Variants in PCGF6 observed in about 807,000 individuals in gnomAD.
PCGF6 encodes the protein polycomb group RING finger protein 6.
Under a neutral mutation model 45.5 loss-of-function variants are expected in PCGF6, and 24 were observed. The ratio of observed to expected loss-of-function variants is 0.53; its 90% confidence interval spans 0.38 to 0.74. The LOEUF (loss-of-function observed/expected upper bound fraction) is 0.74. PCGF6 is among the 30% of genes least tolerant of loss of function. PCGF6 has a pLI of 0.00. For synonymous variants in PCGF6, 152 were observed against 162.1 expected, an observed-to-expected ratio of 0.94 and a Z score of 0.47; for missense variants, 356 against 443.2, an observed-to-expected ratio of 0.80 and a Z score of 1.77.
chr10:103,333,502 A>G (rs1328112283), intron 7 of PCGF6, among the ~76,000 whole-genome samples: 1 of 152,188 alleles, frequency 6.6e-6, no homozygotes, highest in Non-Finnish European at 1.5e-5. Flanking sequence ...TCTTTAAATC[A>G]ACTCTGAACT....
intron 6 of PCGF6, 73 bp from the exon 7 acceptor site, chr10:103,334,025 T>C: frequency 9.8e-7 from 1 of 1,020,632 alleles, no homozygotes. Flanking sequence ...ACAACATATA[T>C]AAATATTTGA....
At chr10:103,340,193 AAAAAAAT>A (rs1290233261) in intron 6 of PCGF6, among the ~76,000 whole-genome samples, 7 of 108,414 alleles carry the variant, frequency 6.5e-5, no homozygotes, top group South Asian at 2.6e-4. Flanking sequence ...AAAAAAAAAA[AAAAAAAT>A]ATATATATAT....
chr10:103,324,910 G>A (rs187782779), intron 8 of PCGF6, among the ~76,000 whole-genome samples: 8 of 151,664 alleles, frequency 5.3e-5, no homozygotes, highest in Admixed American at 2.6e-4. Flanking sequence ...CGAGGTAGGC[G>A]GATCACCTGA....
At chr10:103,321,288 C>A (rs1052682922) in intron 8 of PCGF6, among the ~76,000 whole-genome samples, 4 of 152,096 alleles carry the variant, frequency 2.6e-5, no homozygotes, top group Non-Finnish European at 4.4e-5. Flanking sequence ...CAGGTATGAG[C>A]CTTTATATCA....
intron 6 of PCGF6, among the ~76,000 whole-genome samples, chr10:103,336,466 G>GT (rs1346425205): frequency 1.3e-5 from 2 of 152,028 alleles, no homozygotes; most frequent in East Asian, 3.8e-4. Flanking sequence ...CCCATTCATT[G>GT]TAAGAATTAT....
intron 6 of PCGF6, among the ~76,000 whole-genome samples, chr10:103,336,767 C>T (rs1440038252): frequency 5.9e-5 from 9 of 152,048 alleles, no homozygotes; most frequent in Admixed American, 2.6e-4. Context: ...CCTAGCTACT[C>T]GAGAGGCTGA....
chr10:103,348,840 A>G (rs2093309211), intron 2 of PCGF6, 28 bp from the exon 3 acceptor site: 5 of 1,603,700 alleles, frequency 3.1e-6, no homozygotes, highest in Non-Finnish European at 4.3e-6. Context: ...TGAAGTCAGG[A>G]TGCTTTCAAG....
intron 6 of PCGF6, among the ~76,000 whole-genome samples, chr10:103,342,360 G>C (rs959247105): frequency 2.0e-5 from 3 of 151,590 alleles, no homozygotes; most frequent in African/African-American, 7.3e-5. Flanking sequence ...CAGCCTCCTG[G>C]GTAGCTGGGA....
chr10:103,339,851 ACACACACACACACAC>A (rs1186367838), intron 6 of PCGF6, among the ~76,000 whole-genome samples: 1 of 139,306 alleles, frequency 7.2e-6, no homozygotes, highest in African/African-American at 2.6e-5. Flanking sequence ...ACACACACAC[ACACACACACACACAC>A]AAAAGCATCT....
intron 7 of PCGF6, among the ~76,000 whole-genome samples, chr10:103,331,551 C>G (rs985401766): frequency 3.9e-5 from 6 of 152,156 alleles, no homozygotes; most frequent in African/African-American, 1.4e-4. Flanking sequence ...ACCCAATGTC[C>G]CCAGCCCAAT....
intron 5 of PCGF6, 30 bp from the exon 6 acceptor site, chr10:103,345,162 T>A: frequency 6.9e-7 from 1 of 1,458,952 alleles, no homozygotes; most frequent in Non-Finnish European, 9.5e-7. Context: ...AAATGTTAAT[T>A]AAGAATAAAA....
At chr10:103,342,485 C>A (rs1048956125) in intron 6 of PCGF6, among the ~76,000 whole-genome samples, 1 of 152,130 alleles carries the variant, frequency 6.6e-6, no homozygotes, top group Non-Finnish European at 1.5e-5. Context: ...CTGCCCGCCT[C>A]GGCCTCCCAA....
At chr10:103,345,508 C>CTTT (rs113103280) in intron 5 of PCGF6, among the ~76,000 whole-genome samples, 1 of 147,996 alleles carries the variant, frequency 6.8e-6, no homozygotes. Context: ...AGTGCTACTG[C>CTTT]TTTTTTTTTT....
intron 8 of PCGF6, among the ~76,000 whole-genome samples, chr10:103,320,041 C>T (rs1169519685): frequency 6.6e-6 from 1 of 151,692 alleles, no homozygotes; most frequent in African/African-American, 2.4e-5. Flanking sequence ...CTCTTGACCT[C>T]GTGATCCGCC....
chr10:103,317,005 AATTTT>A (rs886527856), intron 8 of PCGF6, among the ~76,000 whole-genome samples: 12 of 152,034 alleles, frequency 7.9e-5, no homozygotes, highest in East Asian at 1.9e-4. Flanking sequence ...TTGTTTTATT[AATTTT>A]ATTTTATTTT....
At position 103,345,028 on chromosome 10, in the gene PCGF6, T is replaced by G. The variant is rs138884621; in HGVS notation, c.778A>C (p.Ile260Leu). The G allele has an allele frequency of 1.4e-5, 22 of 1,590,608 alleles. No individual in the cohort carries two copies. The African/African-American group carries it at 3.0e-4, about 21-fold the overall frequency. The change falls in exon 6 of 10, where the codon ATT (isoleucine) becomes CTT (leucine). Residue 260 changes from isoleucine (I) to leucine (L), a missense_variant. By Grantham distance (5) the Ile-to-Leu change is conservative. This residue lies in a region of PCGF6 where 307 missense variants were observed against 350.1 expected (regional missense o/e 0.88). Transcript: ENST00000369847. ...GTAAATTTTTAGGGTACTCACCCAA[T>G]GAACTCCAGTAATAAAGACATATCA... ...ELDMSLLLEF[I>L]GANEGTGHFK...
intron 8 of PCGF6, among the ~76,000 whole-genome samples, chr10:103,322,878 C>CAAAAAA (rs144007263): frequency 9.4e-6 from 1 of 106,106 alleles, no homozygotes; most frequent in Non-Finnish European, 2.0e-5. Flanking sequence ...TCCTTGCCAC[C>CAAAAAA]AAAAAAAAAA....
chr10:103,347,896 C>A (rs1442949142), intron 3 of PCGF6, among the ~76,000 whole-genome samples: 1 of 152,152 alleles, frequency 6.6e-6, no homozygotes, highest in Non-Finnish European at 1.5e-5. Context: ...GAGTTGAGGG[C>A]AGAGACTGTA....
chr10:103,339,573 G>A (rs954877586), intron 6 of PCGF6, among the ~76,000 whole-genome samples: 13 of 151,286 alleles, frequency 8.6e-5, no homozygotes, highest in African/African-American at 2.7e-4. Context: ...GGTGGATCAC[G>A]AGGTCAGGAG....
Sources: allele counts gnomAD v4.1 joint callset (sites outside exome capture counted in the v4.1 genomes callset), GRCh38; gene constraint gnomAD v4.1.1; regional missense constraint gnomAD v4.1.1; transcripts MANE v1.5; gene names NCBI Gene and HGNC (gene_info 2026-07-23, HGNC 2026-07-21).